Variants in CDK14 observed in about 807,000 individuals in gnomAD.
CDK14 encodes cyclin dependent kinase 14.
A neutral mutation model predicts 60.7 loss-of-function variants in CDK14; 34 were observed. That is an observed-to-expected ratio of 0.56 (90% CI 0.43 to 0.75). The LOEUF is 0.75. Among genes scored for constraint, CDK14 ranks in the 30% least tolerant of loss-of-function variants. The pLI is 0.00. For missense variants in CDK14, 482 were observed against 564.1 expected, an observed-to-expected ratio of 0.85 and a Z score of 1.47; for synonymous variants, 197 against 203.7, an observed-to-expected ratio of 0.97 and a Z score of 0.28.
chr7:90,891,253 T>G (rs1792115663), intron 6 of CDK14, among the ~76,000 whole-genome samples: 1 of 152,186 alleles, frequency 6.6e-6, no homozygotes, highest in African/African-American at 2.4e-5. Context: ...GTGTCTATAA[T>G]CAGATGGCAT....
At chr7:90,790,532 C>A (rs377078944) in intron 4 of CDK14, 41 bp from the exon 5 acceptor site, 11 of 1,304,200 alleles carry the variant, frequency 8.4e-6, no homozygotes, top group African/African-American at 1.5e-5. Flanking sequence ...CTATAATGGG[C>A]ACATATTTTT....
chr7:90,637,268 A>AT (rs1285596054), intron 2 of CDK14, among the ~76,000 whole-genome samples: 4 of 151,314 alleles, frequency 2.6e-5, no homozygotes, highest in Non-Finnish European at 5.9e-5. Context: ...TCTTGTGGGC[A>AT]TTTAGTGCTA....
chr7:90,776,714 G>A (rs773653650), intron 4 of CDK14, among the ~76,000 whole-genome samples: 6 of 152,138 alleles, frequency 3.9e-5, no homozygotes, highest in Non-Finnish European at 2.9e-5. Context: ...TAGTACTTTG[G>A]TTCTCTTTGG....
chr7:90,811,932 A>C (rs1469817046), intron 5 of CDK14, among the ~76,000 whole-genome samples: 1 of 152,194 alleles, frequency 6.6e-6, no homozygotes, highest in Non-Finnish European at 1.5e-5. Context: ...ATCTCACACC[A>C]GTTAGAATTG....
At chr7:90,851,326 G>C (rs2117180741) in intron 5 of CDK14, among the ~76,000 whole-genome samples, 1 of 152,154 alleles carries the variant, frequency 6.6e-6, no homozygotes, top group Admixed American at 6.5e-5. Context: ...TATATTCAGT[G>C]CACTAAGATT....
intron 10 of CDK14, among the ~76,000 whole-genome samples, chr7:91,004,822 A>G (rs181277274): frequency 6.6e-6 from 1 of 152,362 alleles, no homozygotes; most frequent in Non-Finnish European, 1.5e-5. Context: ...CAGTCTGGTC[A>G]AAACCACACT....
chr7:90,677,303 CTAAATT>C (rs2116550132), intron 2 of CDK14, among the ~76,000 whole-genome samples: 1 of 152,286 alleles, frequency 6.6e-6, no homozygotes, highest in East Asian at 1.9e-4. Context: ...CAATTCCCTC[CTAAATT>C]TATTGGTTCC....
At chr7:90,750,677 A>T (rs1411023720) in intron 4 of CDK14, among the ~76,000 whole-genome samples, 1 of 152,176 alleles carries the variant, frequency 6.6e-6, no homozygotes, top group Non-Finnish European at 1.5e-5. Context: ...GTTTGAAACC[A>T]GCCTGGCCAA....
intron 6 of CDK14, among the ~76,000 whole-genome samples, chr7:90,882,738 C>T (rs567366105): frequency 4.6e-5 from 7 of 152,330 alleles, no homozygotes; most frequent in African/African-American, 1.7e-4. Flanking sequence ...GAAATCATAA[C>T]AGTCTCTCAG....
At chr7:90,673,102 G>A (rs1183434716) in intron 2 of CDK14, among the ~76,000 whole-genome samples, 1 of 152,066 alleles carries the variant, frequency 6.6e-6, no homozygotes, top group Non-Finnish European at 1.5e-5. Context: ...TTTTCAACTG[G>A]TTCCATTCTA....
intron 2 of CDK14, 152 bp from the exon 3 acceptor site, chr7:90,726,415 T>C (rs1006484991): frequency 1.6e-6 from 2 of 1,225,354 alleles, no homozygotes; most frequent in African/African-American, 3.1e-5. Context: ...TTTTTTGTAC[T>C]GTAATTTATG....
At chr7:90,995,316 C>G (rs1370117367) in intron 10 of CDK14, among the ~76,000 whole-genome samples, 2 of 152,158 alleles carry the variant, frequency 1.3e-5, no homozygotes, top group Admixed American at 1.3e-4. Flanking sequence ...GAGGCTTGAC[C>G]TAAGCTTTGT....
chr7:90,972,117 A>T (rs139971364), intron 9 of CDK14, among the ~76,000 whole-genome samples: 60 of 152,324 alleles, frequency 3.9e-4, no homozygotes, highest in African/African-American at 1.2e-3. Flanking sequence ...CCATTATATT[A>T]AAAGTTTATT....
At chr7:91,133,900 A>G (rs888365342) in intron 14 of CDK14, among the ~76,000 whole-genome samples, 3 of 152,278 alleles carry the variant, frequency 2.0e-5, no homozygotes, top group African/African-American at 4.8e-5. Flanking sequence ...AGGGCATTCC[A>G]TGAGTTAACG....
intron 8 of CDK14, among the ~76,000 whole-genome samples, chr7:90,942,950 G>C (rs1361931604): frequency 6.6e-6 from 1 of 152,052 alleles, no homozygotes; most frequent in African/African-American, 2.4e-5. Flanking sequence ...GCTTTGAAAT[G>C]AGTATTTTTA....
At chr7:91,066,833 C>T (rs1048920859) in intron 11 of CDK14, among the ~76,000 whole-genome samples, 4 of 152,310 alleles carry the variant, frequency 2.6e-5, no homozygotes. Flanking sequence ...TTCTTCTCGG[C>T]AAGCTCTCCT....
At position 90,621,828 on chromosome 7, in the gene CDK14, A is replaced by G. The variant is rs892703218; in HGVS notation, c.123+17579A>G. Among the ~76,000 whole-genome samples, 7 of 152,212 alleles carry G rather than the reference A, an allele frequency of 4.6e-5. 2 individuals are homozygous for G. Among genetic ancestry groups the G allele is most frequent in the African/African-American group, 1.7e-4 (7 of 41,514 alleles). ...GGCACTATTATTTCTATTTTTACAG[A>G]TGGGGAAACGGAAGTTTAGAGAAGT... On this transcript the variant is annotated intron_variant, in intron 2 of 14. Transcript: ENST00000380050.
chr7:91,147,078 A>T (rs1218866794), intron 14 of CDK14, among the ~76,000 whole-genome samples: 2 of 150,982 alleles, frequency 1.3e-5, no homozygotes, highest in African/African-American at 4.9e-5. Context: ...GCATCGTCTG[A>T]TGATCACCTG....
At position 90,931,930 on chromosome 7, in the gene CDK14, CG is replaced by C. The variant is rs1366693049; in HGVS notation, c.826+14207del. ...GTCTGTTGATTCAAACACATGAATACGTTTTTTTTTCTTACAAAATATGTTG... is the reference window on the plus strand; with the variant it reads ...GTCTGTTGATTCAAACACATGAATACTTTTTTTTTCTTACAAAATATGTTG... On this transcript the variant is annotated intron_variant, in intron 8 of 14. Coordinates refer to ENST00000380050, the MANE Select transcript of CDK14 (RefSeq NM_001287135.2). 4.6e-5 allele frequency among the ~76,000 whole-genome samples: 7 copies of C among 152,018 alleles called. No homozygotes were observed. In the East Asian group the frequency reaches 7.7e-4, roughly 17 times the overall value.
Sources: gnomAD v4.1 joint callset for allele counts (sites outside exome capture counted in the v4.1 genomes callset) on GRCh38, gnomAD v4.1.1 for gene constraint, MANE v1.5 for transcripts, NCBI Gene and HGNC (gene_info 2026-07-23, HGNC 2026-07-21) for gene names.